Variants in SPON1 observed in about 807,000 individuals in gnomAD.
The protein encoded by SPON1 is spondin 1.
In SPON1, 52 loss-of-function variants were observed where a neutral mutation model predicts 111.7. That is an observed-to-expected ratio of 0.47 (90% CI 0.37 to 0.59). The LOEUF (loss-of-function observed/expected upper bound fraction) is 0.59. SPON1 is among the 20% of genes least tolerant of loss of function. The pLI, the probability that SPON1 is intolerant of heterozygous loss-of-function variation, is 0.00. For synonymous variants in SPON1, 410 were observed against 395.8 expected (o/e 1.04, Z -0.43); for missense variants, 957 against 1,068.5 (o/e 0.90, Z 1.46).
At chr11:14,139,147 A>C (rs1554928495) in intron 6 of SPON1, among the ~76,000 whole-genome samples, 1 of 152,156 alleles carries the variant, frequency 6.6e-6, no homozygotes, top group Non-Finnish European at 1.5e-5. Context: ...TTACCTCTCC[A>C]ATTTTATTTC....
At chr11:14,045,415 T>C (rs991636562) in intron 3 of SPON1, among the ~76,000 whole-genome samples, 7 of 151,784 alleles carry the variant, frequency 4.6e-5, no homozygotes, top group Non-Finnish European at 1.0e-4. Flanking sequence ...CCGTCTCTTC[T>C]AAAAATACAA....
intron 3 of SPON1, among the ~76,000 whole-genome samples, chr11:14,049,871 G>T (rs1395103206): frequency 3.9e-5 from 6 of 152,066 alleles, no homozygotes; most frequent in Non-Finnish European, 8.8e-5. Context: ...AGACCCTGAT[G>T]GGGGCATTAC....
intron 6 of SPON1, among the ~76,000 whole-genome samples, chr11:14,172,827 C>G (rs1181405410): frequency 6.6e-6 from 1 of 151,960 alleles, no homozygotes; most frequent in Admixed American, 6.6e-5. Flanking sequence ...GGCCCCCACT[C>G]TCTTCTGGCT....
chr11:14,242,035 A>T (rs1358775787), intron 6 of SPON1, among the ~76,000 whole-genome samples: 1 of 152,128 alleles, frequency 6.6e-6, no homozygotes, highest in East Asian at 1.9e-4. Flanking sequence ...GTAGGAGCCC[A>T]GACCACGCTG....
At chr11:14,138,116 C>G (rs1333014977) in intron 6 of SPON1, among the ~76,000 whole-genome samples, 6 of 152,162 alleles carry the variant, frequency 3.9e-5, no homozygotes, top group African/African-American at 1.4e-4. Context: ...TACTTTATAT[C>G]CTACCAATCA....
chr11:13,965,963 G>A (rs1467823744), intron 1 of SPON1, among the ~76,000 whole-genome samples: 1 of 152,136 alleles, frequency 6.6e-6, no homozygotes, highest in Non-Finnish European at 1.5e-5. Context: ...TTTGTCCACA[G>A]TATTCCAGTT....
intron 5 of SPON1, among the ~76,000 whole-genome samples, chr11:14,118,216 A>T (rs1406383822): frequency 6.6e-6 from 1 of 152,220 alleles, no homozygotes; most frequent in East Asian, 1.9e-4. Context: ...ACATTGCTAG[A>T]ATTTATCATC....
At position 14,120,815 on chromosome 11, in the gene SPON1, C is replaced by T. The variant is rs117340219; in HGVS notation, c.677-14605C>T. Among the ~76,000 whole-genome samples, 814 of 152,192 alleles carry T rather than the reference C, an allele frequency of 5.3e-3. 4 individuals are homozygous for T. Among genetic ancestry groups the T allele is most frequent in the Middle Eastern group, 0.014 (4 of 294 alleles). ...AAGGGCTGTAATATGGATTTCCTTC[C>T]GTAACCCCATCACAACCATAGAAGA... is the stretch of plus-strand genomic sequence containing the variant. On this transcript the variant is annotated intron_variant, in intron 5 of 15. Transcript: ENST00000576479.
chr11:14,034,835 T>A (rs1848582822), intron 2 of SPON1, among the ~76,000 whole-genome samples: 1 of 152,208 alleles, frequency 6.6e-6, no homozygotes, highest in Non-Finnish European at 1.5e-5. Flanking sequence ...AGATAATAAA[T>A]GTTAACTCGA....
intron 6 of SPON1, among the ~76,000 whole-genome samples, chr11:14,199,136 G>A (rs782337155): frequency 6.6e-5 from 10 of 152,032 alleles, no homozygotes; most frequent in Admixed American, 3.9e-4. Flanking sequence ...TGTGGGATTC[G>A]GAAATGAATA....
chr11:14,065,440 C>A (rs139232356), intron 3 of SPON1, among the ~76,000 whole-genome samples: 1 of 152,196 alleles, frequency 6.6e-6, no homozygotes, highest in African/African-American at 2.4e-5. Flanking sequence ...CACCCACGCC[C>A]AGCCACGGAG....
intron 5 of SPON1, among the ~76,000 whole-genome samples, chr11:14,113,568 A>ATTTTTTTTTTTTTTTTT (rs782780924): frequency 4.0e-5 from 3 of 74,762 alleles, no homozygotes; most frequent in Admixed American, 1.6e-4. Flanking sequence ...TACTTTTTAA[A>ATTTTTTTTTTTTTTTTT]TTTTTTTTTT....
chr11:14,265,832 A>T lies in SPON1; in HGVS notation c.*145A>T, dbSNP rs1347061367. The T allele has an allele frequency of 5.4e-6, 5 of 932,228 alleles. No homozygotes were observed. The South Asian group carries it at 6.9e-5, about 13-fold the overall frequency. The allele number at this position is 932,228 out of a possible 1,614,324, so 57.7% of individuals were successfully genotyped here. A position where few individuals can be genotyped will look rare whatever the true frequency, so the allele number is the denominator to read the frequency against. ...CGCCCAGTAGTCTTGTGGATGCCAGAGACATCCTTTCTGAATACTTCTTGA... is the reference window on the plus strand; with the variant it reads ...CGCCCAGTAGTCTTGTGGATGCCAGTGACATCCTTTCTGAATACTTCTTGA... On this transcript the variant is annotated 3_prime_UTR_variant, in exon 16 of 16. Coordinates refer to ENST00000576479, the MANE Select transcript of SPON1 (RefSeq NM_006108.4).
chr11:14,257,672 C>T lies in SPON1; in HGVS notation c.1310-44C>T, dbSNP rs782584362. ...GGTATGGGGAGAGGGCCAGTGGCAG[C>T]TCCCATAGGTTCCCAGGGAAAACAT... is the stretch of plus-strand genomic sequence containing the variant. On this transcript the variant is annotated intron_variant, in intron 10 of 15. Coordinates refer to ENST00000576479, the MANE Select transcript of SPON1 (RefSeq NM_006108.4). The T allele has an allele frequency of 5.2e-6, 8 of 1,530,898 alleles. No homozygotes were observed. The South Asian group carries it at 7.6e-5, about 15-fold the overall frequency. The allele number at this position is 1,530,898 out of a possible 1,614,324, so 94.8% of individuals were successfully genotyped here.
chr11:14,257,989 A>G, intron 11 of SPON1, 91 bp downstream of exon 11: 2 of 1,263,230 alleles, frequency 1.6e-6, no homozygotes, highest in Non-Finnish European at 2.1e-6. Flanking sequence ...TGGTGAGGGC[A>G]CAAGGACCCT....
At chr11:14,104,007 A>G (rs1345488262) in intron 5 of SPON1, among the ~76,000 whole-genome samples, 2 of 152,170 alleles carry the variant, frequency 1.3e-5, no homozygotes, top group African/African-American at 4.8e-5. Flanking sequence ...TAAGGCTTTT[A>G]TCACATAATT....
chr11:14,140,085 G>A (rs1254940758), intron 6 of SPON1, among the ~76,000 whole-genome samples: 1 of 152,096 alleles, frequency 6.6e-6, no homozygotes. Flanking sequence ...TTCCATAGAA[G>A]GTACTTATTC....
At chr11:14,093,122 T>C (rs1390434339) in intron 5 of SPON1, among the ~76,000 whole-genome samples, 1 of 152,170 alleles carries the variant, frequency 6.6e-6, no homozygotes, top group Non-Finnish European at 1.5e-5. Context: ...AAAGAGAAGG[T>C]CTGGATTCAC....
At chr11:14,118,717 G>T (rs1380702010) in intron 5 of SPON1, among the ~76,000 whole-genome samples, 1 of 152,136 alleles carries the variant, frequency 6.6e-6, no homozygotes, top group Non-Finnish European at 1.5e-5. Context: ...CCGGTGACAG[G>T]CATGAGTGAC....
Sources: allele counts gnomAD v4.1 joint callset (sites outside exome capture counted in the v4.1 genomes callset), GRCh38; gene constraint gnomAD v4.1.1; transcripts MANE v1.5; gene names NCBI Gene and HGNC (gene_info 2026-07-23, HGNC 2026-07-21).